POLR1D: variants seen among roughly 807,000 people sequenced by gnomAD.
The protein encoded by POLR1D is DNA-directed RNA polymerases I and III subunit RPAC2.
Under a neutral mutation model 10.8 loss-of-function variants are expected in POLR1D, and 8 were observed. The observed-to-expected ratio is 0.74, with a 90% CI of 0.43 to 1.33. POLR1D has a LOEUF of 1.33. POLR1D is among the 40% of genes most tolerant of loss of function. POLR1D has a pLI of 0.01. For missense variants in POLR1D, 152 were observed against 161.7 expected (o/e 0.94, Z 0.32); for synonymous variants, 54 against 57.2 (o/e 0.94, Z 0.25).
At chr13:27,645,462 G>A (rs1956210809) in intron 1 of POLR1D, among the ~76,000 whole-genome samples, 1 of 152,150 alleles carries the variant, frequency 6.6e-6, no homozygotes, top group Admixed American at 6.5e-5. Flanking sequence ...CTTTGGGCAA[G>A]TTAGTCGATG....
chr13:27,627,898 TAAAC>T (rs1956033440), downstream of POLR1D, among the ~76,000 whole-genome samples: 4 of 151,652 alleles, frequency 2.6e-5, no homozygotes, highest in Non-Finnish European at 5.9e-5. Flanking sequence ...AAAAAATGCT[TAAAC>T]AAAAAAAGTA....
chr13:27,667,287 T>C (rs998898471), exon 3 of POLR1D: 1 of 152,232 alleles, frequency 6.6e-6, no homozygotes, highest in Non-Finnish European at 1.5e-5. Flanking sequence ...AATCTAGTTA[T>C]GTATTGGCCT....
chr13:27,655,206 A>G (rs1237605681), intron 2 of POLR1D, among the ~76,000 whole-genome samples: 3 of 152,194 alleles, frequency 2.0e-5, no homozygotes, highest in African/African-American at 2.4e-5. Flanking sequence ...AGAAAAAAGG[A>G]CATTGTTTGA....
rs1956264409 is a variant in POLR1D, at chr13:27,650,993, G to A, written c.101+2540G>A. 3.3e-5 allele frequency: 5 copies of A among 152,108 alleles called. No homozygotes were observed. In the South Asian group the frequency reaches 1.0e-3, roughly 32 times the overall value. 9.4% of individuals were successfully genotyped at this position (152,108 alleles called of 1,614,324 possible). A position where few individuals can be genotyped will look rare whatever the true frequency, so the allele number is the denominator to read the frequency against. ...TGAAAGAAAACTTTACAGAAGAATT[G>A]TAACTAATATATTAGAAGGATTATA... On this transcript the variant is annotated intron_variant, in intron 2 of 2. Coordinates refer to the POLR1D transcript ENST00000399697.
chr13:27,627,323 A>C (rs574602967), downstream of POLR1D, among the ~76,000 whole-genome samples: 1 of 150,756 alleles, frequency 6.6e-6, no homozygotes, highest in Non-Finnish European at 1.5e-5. Flanking sequence ...TCAAACTTGG[A>C]TTATTAGATC....
At chr13:27,625,936 G>A (rs1956004366), downstream of POLR1D, among the ~76,000 whole-genome samples, 1 of 152,174 alleles carries the variant, frequency 6.6e-6, no homozygotes, top group African/African-American at 2.4e-5. Flanking sequence ...TCATTATACA[G>A]AGGAATGGCT....
exon 3 of POLR1D, chr13:27,666,918 T>G (rs1392290070): frequency 1.3e-5 from 2 of 152,248 alleles, no homozygotes; most frequent in Non-Finnish European, 2.9e-5. Context: ...AGATTCTGTC[T>G]CCCTGTTCCC....
At chr13:27,651,104 TG>T (rs1956265500) in intron 2 of POLR1D, 1 of 152,182 alleles carries the variant, frequency 6.6e-6, no homozygotes, top group Non-Finnish European at 1.5e-5. Context: ...CCACCACCTC[TG>T]GGGCATCCTT....
intron 1 of POLR1D, among the ~76,000 whole-genome samples, chr13:27,631,690 G>A (rs1431770456): frequency 1.3e-5 from 2 of 151,986 alleles, no homozygotes; most frequent in Admixed American, 6.5e-5. Context: ...TCTCCTTGGC[G>A]GCAAGGGCTT....
intron 2 of POLR1D, among the ~76,000 whole-genome samples, chr13:27,657,313 C>T (rs1956317296): frequency 6.6e-6 from 1 of 151,934 alleles, no homozygotes; most frequent in South Asian, 2.1e-4. Flanking sequence ...GTGGATTGCC[C>T]GAGCTCAGGA....
intron 2 of POLR1D, chr13:27,650,279 G>A (rs1956254689): frequency 2.6e-6 from 1 of 382,814 alleles, no homozygotes; most frequent in Non-Finnish European, 4.6e-6. Flanking sequence ...CAGCATCAGT[G>A]TGTGATAATA....
downstream of POLR1D, among the ~76,000 whole-genome samples, chr13:27,623,689 T>G (rs937224185): frequency 6.6e-6 from 1 of 152,066 alleles, no homozygotes; most frequent in East Asian, 1.9e-4. Flanking sequence ...GGAAAGAAGA[T>G]TGGGGTGGGG....
intron 2 of POLR1D, among the ~76,000 whole-genome samples, chr13:27,658,410 G>A (rs2138569373): frequency 6.6e-6 from 1 of 152,356 alleles, no homozygotes; most frequent in East Asian, 1.9e-4. Flanking sequence ...TCGCTGTGGA[G>A]TGGACTTCTT....
At chr13:27,644,696 C>A (rs1040425524) in intron 1 of POLR1D, among the ~76,000 whole-genome samples, 1 of 152,134 alleles carries the variant, frequency 6.6e-6, no homozygotes, top group Non-Finnish European at 1.5e-5. Context: ...AACTAGCATA[C>A]CAAGAACTAA....
chr13:27,660,263 T>C (rs1255420781), intron 2 of POLR1D, among the ~76,000 whole-genome samples: 4 of 152,184 alleles, frequency 2.6e-5, no homozygotes, highest in Admixed American at 2.0e-4. Flanking sequence ...CATGCAGAGT[T>C]GGGAGAGTTA....
intron 1 of POLR1D, among the ~76,000 whole-genome samples, chr13:27,639,982 C>T (rs1004577675): frequency 3.3e-5 from 5 of 152,164 alleles, no homozygotes; most frequent in Admixed American, 3.3e-4. Context: ...GGGTTCACAT[C>T]CCAGGCCGTA....
Position 27,663,780 on chromosome 13 carries a change from C to T in POLR1D, c.102-1906C>T, listed in dbSNP as rs1007398672. On this transcript the variant is annotated intron_variant, in intron 2 of 2. Coordinates refer to the POLR1D transcript ENST00000399697. This position sits in a 1 kb window ranked among gnomAD's most constrained non-coding sequence, Gnocchi z 4.1. The stretch of plus-strand genomic sequence containing the variant: ...CCAGTTTACCACCACTGAGATGGCC[C>T]ACTTCAGTGAAAAGACCCCAGAATT... 1.3e-5 allele frequency among the ~76,000 whole-genome samples: 2 copies of T among 152,158 alleles called. No homozygotes were observed. Among genetic ancestry groups the T allele is most frequent in the African/African-American group, 2.4e-5 (1 of 41,430 alleles).
At chr13:27,644,062 C>T (rs958758501) in intron 1 of POLR1D, among the ~76,000 whole-genome samples, 1 of 152,148 alleles carries the variant, frequency 6.6e-6, no homozygotes, top group Non-Finnish European at 1.5e-5. Flanking sequence ...TTCTAACGTT[C>T]AGCCTTGTGT....
At chr13:27,659,530 T>G (rs764435833) in intron 2 of POLR1D, among the ~76,000 whole-genome samples, 3 of 152,224 alleles carry the variant, frequency 2.0e-5, no homozygotes, top group Admixed American at 6.5e-5. Flanking sequence ...TATCTGTCAC[T>G]TAACACTCCT....
Sources: allele counts gnomAD v4.1 joint callset (sites outside exome capture counted in the v4.1 genomes callset), GRCh38; gene constraint gnomAD v4.1.1; non-coding constraint Gnocchi (gnomAD v3.1); transcripts MANE v1.5; gene names NCBI Gene and HGNC (gene_info 2026-07-23, HGNC 2026-07-21).